Variants in RANBP2 observed in about 807,000 individuals in gnomAD.
RANBP2 encodes the protein E3 SUMO-protein ligase RanBP2.
In RANBP2, 57 loss-of-function variants were observed where a neutral mutation model predicts 303.6. The ratio of observed to expected loss-of-function variants is 0.19; its 90% CI spans 0.15 to 0.23. The LOEUF (loss-of-function observed/expected upper bound fraction) is 0.23. RANBP2 is among the 10% of genes least tolerant of loss of function. The probability of loss-of-function intolerance (pLI) is 1.00; values close to 1 mark genes in which losing one functional copy is unlikely to be tolerated. For missense variants in RANBP2, 3,138 were observed against 3,780.8 expected (o/e 0.83, Z 4.46); for synonymous variants, 1,167 against 1,301.5 (o/e 0.90, Z 2.23).
At chr2:109,376,032 G>A in the RANBP2 span, among the ~76,000 whole-genome samples, 1 of 152,248 alleles carries the variant, frequency 6.6e-6, no homozygotes, top group Non-Finnish European at 1.5e-5. Flanking sequence ...CTAGCCATGG[G>A]GCATAGAGAA....
chr2:108,719,486 T>C lies in RANBP2; in HGVS notation c.-121T>C, dbSNP rs1479237123. 1.3e-6 allele frequency: 2 copies of C among 1,491,652 alleles called. No homozygotes were observed. The highest frequency in any genetic ancestry group is 2.4e-5 in the South Asian group (2 of 82,536). The allele number at this position is 1,491,652 out of a possible 1,614,324, so 92.4% of individuals were successfully genotyped here. ...CGGCTGCGCCGCAAGTTCGTCACAG[T>C]GGTCCTCCGCCGGCTACGGCGCTGC... On this transcript the variant is annotated 5_prime_UTR_variant, in exon 1 of 29. Transcript: ENST00000283195.
At chr2:109,154,471 C>G in the RANBP2 span, among the ~76,000 whole-genome samples, 1 of 152,206 alleles carries the variant, frequency 6.6e-6, no homozygotes, top group Non-Finnish European at 1.5e-5. Context: ...GGACCACCAG[C>G]CTTTTTGAGG....
chr2:109,484,063 CTTT>C, the RANBP2 span, among the ~76,000 whole-genome samples: 3 of 139,482 alleles, frequency 2.2e-5, no homozygotes, highest in Admixed American at 2.2e-4. Context: ...ATCCTCTGGC[CTTT>C]CTTTTTTTTT....
the RANBP2 span, among the ~76,000 whole-genome samples, chr2:108,954,228 T>A: frequency 1.3e-5 from 2 of 152,092 alleles, no homozygotes; most frequent in Non-Finnish European, 2.9e-5. Context: ...TCTTTAGAAC[T>A]GGAGATCCTG....
the RANBP2 span, chr2:109,432,573 G>C: frequency 6.8e-6 from 11 of 1,613,548 alleles, no homozygotes; most frequent in African/African-American, 1.3e-5. Context: ...AGATGTACCG[G>C]GTCCTCGAGA....
chr2:109,708,337 G>A, the RANBP2 span, among the ~76,000 whole-genome samples: 3 of 151,990 alleles, frequency 2.0e-5, no homozygotes, highest in East Asian at 5.8e-4. Flanking sequence ...TCCAACCTGG[G>A]CAACAGAGCA....
chr2:108,926,984 T>C, the RANBP2 span, among the ~76,000 whole-genome samples: 3 of 152,162 alleles, frequency 2.0e-5, no homozygotes, highest in Non-Finnish European at 4.4e-5. Flanking sequence ...GGGGAAGCCT[T>C]GTCTGCAGTA....
At chr2:108,985,826 T>C in the RANBP2 span, among the ~76,000 whole-genome samples, 3 of 152,212 alleles carry the variant, frequency 2.0e-5, no homozygotes, top group East Asian at 1.9e-4. Context: ...ATTGGAACAA[T>C]TGGTGACCTT....
At chr2:109,640,312 C>T in the RANBP2 span, among the ~76,000 whole-genome samples, 1 of 152,042 alleles carries the variant, frequency 6.6e-6, no homozygotes, top group Non-Finnish European at 1.5e-5. Context: ...AGTAGCCAGG[C>T]ATGCTGGTGC....
At chr2:109,243,276 G>A in the RANBP2 span, among the ~76,000 whole-genome samples, 14 of 152,342 alleles carry the variant, frequency 9.2e-5, no homozygotes, top group East Asian at 9.6e-4. Context: ...CAGAGCCGGC[G>A]TCAGCCGTAC....
At chr2:109,233,818 A>G in the RANBP2 span, among the ~76,000 whole-genome samples, 1 of 152,170 alleles carries the variant, frequency 6.6e-6, no homozygotes, top group Non-Finnish European at 1.5e-5. Flanking sequence ...GTAGCTCTTG[A>G]GTCTGGCTTC....
the RANBP2 span, among the ~76,000 whole-genome samples, chr2:109,054,122 G>A: frequency 1.3e-5 from 2 of 152,162 alleles, no homozygotes; most frequent in African/African-American, 4.8e-5. Flanking sequence ...TATGTGCCAT[G>A]CTCCAAGTCA....
At chr2:109,649,277 C>T in the RANBP2 span, among the ~76,000 whole-genome samples, 6 of 152,056 alleles carry the variant, frequency 3.9e-5, no homozygotes, top group African/African-American at 1.5e-4. Context: ...TGACTAAAGT[C>T]CTGGAGACTA....
intron 4 of RANBP2, among the ~76,000 whole-genome samples, chr2:108,734,743 G>A (rs938519583): frequency 6.6e-6 from 1 of 151,866 alleles, no homozygotes; most frequent in African/African-American, 2.4e-5. Context: ...TGGTGGTTTC[G>A]GTGGTATGAC....
At chr2:108,833,212 T>C in the RANBP2 span, among the ~76,000 whole-genome samples, 1 of 152,248 alleles carries the variant, frequency 6.6e-6, no homozygotes, top group Non-Finnish European at 1.5e-5. Flanking sequence ...CTGTAGACTA[T>C]ACAACAGAGT....
chr2:108,834,601 T>C, the RANBP2 span, among the ~76,000 whole-genome samples: 1 of 152,240 alleles, frequency 6.6e-6, no homozygotes, highest in East Asian at 1.9e-4. Flanking sequence ...TGGTAAAATA[T>C]GCATAGCTTA....
chr2:109,456,947 C>T, the RANBP2 span, among the ~76,000 whole-genome samples: 10 of 152,288 alleles, frequency 6.6e-5, no homozygotes, highest in East Asian at 1.7e-3. Context: ...ATCTCAACAG[C>T]GAGTGAAGCT....
At chr2:108,894,308 A>G in the RANBP2 span, among the ~76,000 whole-genome samples, 1 of 152,082 alleles carries the variant, frequency 6.6e-6, no homozygotes, top group Non-Finnish European at 1.5e-5. Flanking sequence ...TGAATGTCCC[A>G]GGCCATAACA....
chr2:108,721,521 C>G (rs12468068), intron 1 of RANBP2, among the ~76,000 whole-genome samples: 1 of 152,134 alleles, frequency 6.6e-6, no homozygotes, highest in Non-Finnish European at 1.5e-5. Context: ...ACTCACTGCA[C>G]CTTCCGCCTC....
Sources: gnomAD v4.1 joint callset for allele counts (sites outside exome capture counted in the v4.1 genomes callset) on GRCh38, gnomAD v4.1.1 for gene constraint, MANE v1.5 for transcripts, NCBI Gene and HGNC (gene_info 2026-07-23, HGNC 2026-07-21) for gene names.